The following RD3L variants were observed in gnomAD, a reference collection of about 807,000 sequenced individuals.
RD3L encodes the protein RD3 like, also known as protein RD3-like.
Under a neutral mutation model 12.5 loss-of-function variants are expected in RD3L, and 6 were observed. That is an observed-to-expected ratio of 0.48 (90% CI 0.26 to 0.95). The LOEUF (loss-of-function observed/expected upper bound fraction) is 0.95, where lower values mean the gene tolerates loss of function less well. Among genes scored for constraint, RD3L ranks in the 40% least tolerant of loss-of-function variants. The pLI, the probability that RD3L is intolerant of heterozygous loss-of-function variation, is 0.14. For synonymous variants in RD3L, 87 were observed against 79.3 expected (o/e 1.10, Z -0.52); for missense variants, 234 against 228.6 (o/e 1.02, Z -0.15).
In RD3L at chr14:103,940,661, A is replaced by G; in HGVS notation, c.*145T>C. On this transcript the variant is annotated 3_prime_UTR_variant, in exon 3 of 3. Coordinates refer to ENST00000557640, the MANE Select transcript of RD3L (RefSeq NM_001257268.2). Reference sequence around the variant, plus strand: ...AACATAGCATGTTTAGAGTGGTTAAAAAAAGAACACTATTTAAAACATAGG... The same window carrying G: ...AACATAGCATGTTTAGAGTGGTTAAGAAAAGAACACTATTTAAAACATAGG... 1.7e-6 allele frequency: 1 copy of G among 585,856 alleles called. No individual in the cohort carries two copies. The highest frequency in any genetic ancestry group is 3.0e-6 in the Non-Finnish European group (1 of 336,106). The allele number at this position is 585,856 out of a possible 1,614,324, so 36.3% of individuals were successfully genotyped here.
Position 103,940,683 on chromosome 14 carries a change from T to C in RD3L, c.*123A>G, listed in dbSNP as rs1007635538. On this transcript the variant is annotated 3_prime_UTR_variant, in exon 3 of 3. Coordinates refer to ENST00000557640, the MANE Select transcript of RD3L (RefSeq NM_001257268.2). ...TAAAAAAAGAACACTATTTAAAACA[T>C]AGGCTACATCCACAGGATACTGACC... 8.6e-5 allele frequency: 54 copies of C among 630,026 alleles called. No homozygotes were observed. The highest frequency in any genetic ancestry group is 1.4e-4 in the East Asian group (5 of 36,514). 39.0% of individuals were successfully genotyped at this position (630,026 alleles called of 1,614,324 possible).
In RD3L at chr14:103,941,412, C is replaced by T. The variant is rs779444599; in HGVS notation, c.284G>A (p.Gly95Glu). 6.5e-7 allele frequency: 1 copy of T among 1,534,682 alleles called. No individual in the cohort carries two copies. The highest frequency in any genetic ancestry group is 1.2e-5 in the South Asian group (1 of 83,942). ...GTATTTTTACCTGCTGAGAATAGTTCCAGTTTGGCAAGGTTGAACTTGTGA... is the reference window on the plus strand; with the variant it reads ...GTATTTTTACCTGCTGAGAATAGTTTCAGTTTGGCAAGGTTGAACTTGTGA... The part of the protein sequence containing the change: ...LCSQVQPCQT[G>E]TILSRFREVL... Residue 95 changes from glycine (G) to glutamate (E), a missense_variant, in exon 2 of 3, where the codon GGA becomes GAA. By Grantham distance (98) the Gly-to-Glu change is moderately conservative. Coordinates refer to ENST00000557640, the MANE Select transcript of RD3L (RefSeq NM_001257268.2).
Position 103,941,303 on chromosome 14 carries a change from G to T in RD3L, c.299+94C>A, listed in dbSNP as rs1045189085. On this transcript the variant is annotated intron_variant, in intron 2 of 2. Coordinates refer to ENST00000557640, the MANE Select transcript of RD3L (RefSeq NM_001257268.2). ...CTCACCAGACATCTACACAGTTAAAGAATTTACATGATAGAATACAGTTTC... is the reference window on the plus strand; with the variant it reads ...CTCACCAGACATCTACACAGTTAAATAATTTACATGATAGAATACAGTTTC... 9.6e-6 allele frequency: 10 copies of T among 1,042,042 alleles called. 1 individual carries two copies. The Admixed American group carries it at 1.1e-4, about 12-fold the overall frequency. The allele number at this position is 1,042,042 out of a possible 1,614,324, so 64.5% of individuals were successfully genotyped here. A position where few individuals can be genotyped will look rare whatever the true frequency, so the allele number is the denominator to read the frequency against.
intron 2 of RD3L, 38 bp from the exon 3 acceptor site, chr14:103,941,141 A>T: frequency 6.9e-7 from 1 of 1,443,184 alleles, no homozygotes; most frequent in Non-Finnish European, 9.3e-7. Flanking sequence ...AGTTTAGAAC[A>T]TTTTTTGTTA....
chr14:103,942,231 A>G lies in RD3L; in HGVS notation c.-147T>C, dbSNP rs916709347. The G allele has an allele frequency of 6.6e-6, 1 of 152,530 alleles. No individual in the cohort carries two copies. Among genetic ancestry groups the G allele is most frequent in the African/African-American group, 2.4e-5 (1 of 41,430 alleles). 9.4% of individuals were successfully genotyped at this position (152,530 alleles called of 1,614,324 possible). A position where few individuals can be genotyped will look rare whatever the true frequency, so the allele number is the denominator to read the frequency against. On this transcript the variant is annotated 5_prime_UTR_variant, in exon 1 of 3. Transcript: ENST00000557640. ...ATGCGCCACCTTATTTACCCACCGA[A>G]ACTGTATTTGAAATAAATAACTTTC...
rs1255314071 is a variant in RD3L at position 103,940,765 on chromosome 14, G to A, written c.*41C>T. On this transcript the variant is annotated 3_prime_UTR_variant, in exon 3 of 3. Transcript: ENST00000557640. ...CTTTTTCTTATTCTTAATATTAGGA[G>A]TTCTAAGGTGTTCATAAAAACCCCT... The A allele has an allele frequency of 7.5e-7, 1 of 1,333,500 alleles. No individual in the cohort carries two copies. Among genetic ancestry groups the A allele is most frequent in the East Asian group, 2.5e-5 (1 of 39,948 alleles). 82.6% of individuals were successfully genotyped at this position (1,333,500 alleles called of 1,614,324 possible).
chr14:103,941,616 G>C lies in RD3L; in HGVS notation c.80C>G (p.Thr27Arg), dbSNP rs2031240525. Residue 27 changes from threonine (T) to arginine (R), a missense_variant, in exon 2 of 3, where the codon ACA (threonine) becomes AGA (arginine). Coordinates refer to ENST00000557640, the MANE Select transcript of RD3L (RefSeq NM_001257268.2). Reference protein sequence around the residue: ...PTHYPGSDIVTKTLLRELKWH... With the variant: ...PTHYPGSDIVRKTLLRELKWH... ...TTTTAATTCCCGAAGCAGAGTCTTT[G>C]TCACTATGTCTGAGCCAGGATAGTG... The C allele has an allele frequency of 1.3e-6, 2 of 1,535,012 alleles. No homozygotes were observed. The highest frequency in any genetic ancestry group is 1.7e-6 in the Non-Finnish European group (2 of 1,146,548).
rs1424838249 is a variant in RD3L, at chr14:103,942,379, G to A, written c.-295C>T. The A allele has an allele frequency of 4.6e-5, 7 of 152,162 alleles. No individual in the cohort carries two copies. Among genetic ancestry groups the A allele is most frequent in the Non-Finnish European group, 7.3e-5 (5 of 68,032 alleles). 9.4% of individuals were successfully genotyped at this position (152,162 alleles called of 1,614,324 possible). A position where few individuals can be genotyped will look rare whatever the true frequency, so the allele number is the denominator to read the frequency against. On this transcript the variant is annotated 5_prime_UTR_variant, in exon 1 of 3. Transcript: ENST00000557640. ...TTTAATCTTCACAAGTTATATAATG[G>A]TCTGCCTTTTCAATGTAGCTCAGTC...
In RD3L at chr14:103,942,286, A is replaced by C. The variant is rs1221512952; in HGVS notation, c.-202T>G. On this transcript the variant is annotated 5_prime_UTR_variant, in exon 1 of 3. An upstream start codon of the reference 5' UTR is lost. Coordinates refer to ENST00000557640, the MANE Select transcript of RD3L (RefSeq NM_001257268.2). The stretch of plus-strand genomic sequence containing the variant: ...TTAGGAATGAGGCTGTGATGTCTTC[A>C]TTTGGAGAGAATGCTCATTAATTCA... The C allele has an allele frequency of 1.3e-5, 2 of 152,296 alleles. No homozygotes were observed. The highest frequency in any genetic ancestry group is 2.4e-5 in the African/African-American group (1 of 41,450). 9.4% of individuals were successfully genotyped at this position (152,296 alleles called of 1,614,324 possible).
Position 103,941,585 on chromosome 14 carries a change from G to T in RD3L, c.111C>A (p.His37Gln). ...GTATTAATCTCTCTCGCTCCTTTAG[G>T]TGCCATTTTAATTCCCGAAGCAGAG... is the stretch of plus-strand genomic sequence containing the variant. ...TKTLLRELKW[H>Q]LKERERLIQE... The change falls in exon 2 of 3, where the codon CAC (histidine) becomes CAA (glutamine). Residue 37 changes from histidine to glutamine, a missense_variant. Coordinates refer to ENST00000557640, the MANE Select transcript of RD3L (RefSeq NM_001257268.2). The T allele has an allele frequency of 2.6e-6, 4 of 1,535,034 alleles. No homozygotes were observed. Among genetic ancestry groups the T allele is most frequent in the Non-Finnish European group, 3.5e-6 (4 of 1,146,570 alleles).
chr14:103,941,976 A>G, intron 1 of RD3L, 116 bp downstream of exon 1: 1 of 368,562 alleles, frequency 2.7e-6, no homozygotes, highest in Non-Finnish European at 4.8e-6. Flanking sequence ...ATCCGAAAAT[A>G]ACACTAACAC....
rs910152645 is a variant in RD3L at position 103,941,575 on chromosome 14, G to A, written c.121C>T (p.Arg41Ter). 26 of 1,534,742 alleles carry A rather than the reference G, an allele frequency of 1.7e-5. No individual in the cohort carries two copies. Among genetic ancestry groups the A allele is most frequent in the Middle Eastern group, 3.3e-4 (2 of 6,006 alleles). Residue 41 changes from arginine (R) to a stop codon, truncating the protein, a stop_gained, in exon 2 of 3, where the codon CGA becomes TGA. Transcript: ENST00000557640. LOFTEE classifies it high-confidence loss of function. ...TCGATTTCTTGTATTAATCTCTCTC[G>A]CTCCTTTAGGTGCCATTTTAATTCC... Reference protein sequence around the residue: ...LRELKWHLKERERLIQEIENE... With the variant: ...LRELKWHLKE
At position 103,940,808 on chromosome 14, in the gene RD3L, A is replaced by C; in HGVS notation, c.595T>G (p.Ter199GluextTer5). ...WNLPYYHPSS* is the reference protein window; with the variant it reads ...WNLPYYHPSSE ...AAACCCCTCTAGTTGTAAGTAACTT[A>C]ACTAGATGGGTGATAATATGGTAGG... The change falls in exon 3 of 3, where the codon TAA (stop) becomes GAA (glutamate). Residue 199 changes from the stop codon to glutamate (E), a stop_lost. Coordinates refer to ENST00000557640, the MANE Select transcript of RD3L (RefSeq NM_001257268.2). 1.3e-6 allele frequency: 2 copies of C among 1,532,962 alleles called. No homozygotes were observed. Among genetic ancestry groups the C allele is most frequent in the South Asian group, 2.4e-5 (2 of 83,992 alleles). 95.0% of individuals were successfully genotyped at this position (1,532,962 alleles called of 1,614,324 possible).
rs979625278 is a variant in RD3L at position 103,942,477 on chromosome 14, G to A, written c.-393C>T. Among the ~76,000 whole-genome samples the A allele has an allele frequency of 6.6e-6, 1 of 152,236 alleles. No individual in the cohort carries two copies. Among genetic ancestry groups the A allele is most frequent in the Admixed American group, 6.5e-5 (1 of 15,292 alleles). On this transcript the variant is annotated 5_prime_UTR_variant, in exon 1 of 3. Coordinates refer to ENST00000557640, the MANE Select transcript of RD3L (RefSeq NM_001257268.2). ...TCCGACATGTCTTTGGTAGTGAAAC[G>A]AAGAATGGTCGTCTAAAGCACCATA...
Position 103,941,537 on chromosome 14 carries a change from T to G in RD3L, c.159A>C (p.Lys53Asn), listed in dbSNP as rs368765029. The change falls in exon 2 of 3, where the codon AAA (lysine) becomes AAC (asparagine). Residue 53 changes from lysine to asparagine, a missense_variant. Transcript: ENST00000557640. ...RLIQEIENEQ[K>N]VKKTGVDYNW... ...TGTAATCCACACCTGTTTTTTTCAC[T>G]TTTTGTTCATTTTCGATTTCTTGTA... The G allele has an allele frequency of 1.4e-5, 22 of 1,535,420 alleles. No individual in the cohort carries two copies. The African/African-American group carries it at 2.9e-4, about 20-fold the overall frequency.
intron 2 of RD3L, 25 bp from the exon 3 acceptor site, chr14:103,941,128 T>C: frequency 6.6e-7 from 1 of 1,511,896 alleles, no homozygotes; most frequent in East Asian, 2.5e-5. Flanking sequence ...GTAATGAATA[T>C]TCAGTTTAGA....
At chr14:103,941,756 CA>C in intron 1 of RD3L, 54 bp from the exon 2 acceptor site, 1 of 1,272,492 alleles carries the variant, frequency 7.9e-7, no homozygotes, top group Non-Finnish European at 1.0e-6. Flanking sequence ...TTCTTCTGAG[CA>C]AATATTTGTT....
chr14:103,940,618 A>G lies in RD3L; in HGVS notation c.*188T>C. On this transcript the variant is annotated 3_prime_UTR_variant, in exon 3 of 3. Coordinates refer to ENST00000557640, the MANE Select transcript of RD3L (RefSeq NM_001257268.2). ...ATACTTAGGAAACATTTTAGTTAAA[A>G]GCATACTATTCAATGAAAACATAGC... The G allele has an allele frequency of 2.1e-6, 1 of 472,662 alleles. No homozygotes were observed. Among genetic ancestry groups the G allele is most frequent in the Non-Finnish European group, 3.7e-6 (1 of 269,122 alleles). 29.3% of individuals were successfully genotyped at this position (472,662 alleles called of 1,614,324 possible). A position where few individuals can be genotyped will look rare whatever the true frequency, so the allele number is the denominator to read the frequency against.
Position 103,942,151 on chromosome 14 carries a change from GCTGTGTTTCA to G in RD3L, c.-77_-68del, listed in dbSNP as rs2031275448. The stretch of plus-strand genomic sequence containing the variant: ...AGAGTTGACTGAAGTTGGTGACGAA[GCTGTGTTTCA>G]CTGGGACGTATCTTGCTCTCCTAGG... On this transcript the variant is annotated 5_prime_UTR_variant, in exon 1 of 3. Transcript: ENST00000557640. The G allele has an allele frequency of 6.1e-6, 1 of 162,608 alleles. No homozygotes were observed. Among genetic ancestry groups the G allele is most frequent in the African/African-American group, 2.4e-5 (1 of 41,522 alleles). 10.1% of individuals were successfully genotyped at this position (162,608 alleles called of 1,614,324 possible).
Sources: gnomAD v4.1 joint callset for allele counts (sites outside exome capture counted in the v4.1 genomes callset) on GRCh38, gnomAD v4.1.1 for gene constraint, MANE v1.5 for transcripts, NCBI Gene and HGNC (gene_info 2026-07-23, HGNC 2026-07-21) for gene names.